CLC: variants seen among roughly 807,000 people sequenced by gnomAD.
The protein encoded by CLC is Charcot-Leyden crystal galectin, also known as galectin-10.
In CLC, 15 loss-of-function variants were observed where a neutral mutation model predicts 13.9. The ratio of observed to expected loss-of-function variants is 1.08; its 90% confidence interval spans 0.72 to 1.66. CLC has a LOEUF of 1.66. Among genes scored for constraint, CLC ranks in the 40% most tolerant of loss-of-function variants. The pLI is 0.00. For synonymous variants in CLC, 68 were observed against 59.9 expected (o/e 1.14, Z -0.63); for missense variants, 161 against 169.1 (o/e 0.95, Z 0.27).
At chr19:39,733,939 G>A (rs1256042421) in intron 3 of CLC, 1 of 984,622 alleles carries the variant, frequency 1.0e-6, no homozygotes, top group Non-Finnish European at 1.2e-6. Context: ...GGAAGATAGA[G>A]GATATTCTCC....
At chr19:39,734,877 C>A in intron 2 of CLC, 120 bp downstream of exon 2, 1 of 771,186 alleles carries the variant, frequency 1.3e-6, no homozygotes, top group Non-Finnish European at 2.2e-6. Context: ...AGGACCTGCA[C>A]ATTCATGGCA....
At chr19:39,734,167 T>A (rs1967270670) in intron 3 of CLC, 116 bp downstream of exon 3, 22 of 1,394,290 alleles carry the variant, frequency 1.6e-5, no homozygotes, top group Non-Finnish European at 2.0e-5. Context: ...TAAGGGGAGT[T>A]GTGGGTGATG....
At chr19:39,731,926 G>C (rs1164570875) in intron 3 of CLC, among the ~76,000 whole-genome samples, 1 of 152,140 alleles carries the variant, frequency 6.6e-6, no homozygotes, top group Non-Finnish European at 1.5e-5. Flanking sequence ...TGCTGCTGAT[G>C]ACCCAGTTTC....
chr19:39,737,083 C>T (rs1001076151), intron 1 of CLC, among the ~76,000 whole-genome samples: 2 of 151,894 alleles, frequency 1.3e-5, no homozygotes, highest in African/African-American at 4.8e-5. Flanking sequence ...TAAATCAAGT[C>T]CCTCAATGTC....
intron 3 of CLC, chr19:39,733,879 T>A: frequency 1.1e-6 from 1 of 945,022 alleles, no homozygotes; most frequent in Non-Finnish European, 1.3e-6. Context: ...TTTATTCATG[T>A]GTATATCTTA....
chr19:39,737,796 C>G (rs368009), intron 1 of CLC, 142 bp downstream of exon 1: 94,165 of 829,236 alleles, frequency 0.11, 6,350 homozygotes, highest in African/African-American at 0.17. Context: ...GATACCATAG[C>G]CCTAGGGTCT....
At chr19:39,733,316 T>G (rs388648) in intron 3 of CLC, among the ~76,000 whole-genome samples, 21 of 151,782 alleles carry the variant, frequency 1.4e-4, no homozygotes, top group Admixed American at 1.2e-3. Context: ...CCATTTGAAA[T>G]GTCAGAAACT....
intron 1 of CLC, 103 bp from the exon 2 acceptor site, chr19:39,735,176 C>T (rs1196887996): frequency 1.0e-5 from 8 of 783,386 alleles, no homozygotes; most frequent in Admixed American, 2.0e-5. Context: ...AAGCAGTAGA[C>T]TCAGGCCTCC....
intron 3 of CLC, 27 bp downstream of exon 3, chr19:39,734,256 G>T: frequency 6.2e-7 from 1 of 1,605,988 alleles, no homozygotes; most frequent in Non-Finnish European, 8.5e-7. Context: ...ATGGAAGCCG[G>T]GTGCGGGGAG....
At chr19:39,736,637 T>A (rs1427765445) in intron 1 of CLC, among the ~76,000 whole-genome samples, 4 of 151,296 alleles carry the variant, frequency 2.6e-5, no homozygotes, top group African/African-American at 9.7e-5. Flanking sequence ...TAGCCAGGAG[T>A]GGTGGCACAA....
rs1274682051 is a variant in CLC, at chr19:39,732,718, G to A, written c.304-1213C>T. 2.4e-3 allele frequency among the ~76,000 whole-genome samples: 352 copies of A among 149,426 alleles called. 1 individual carries two copies. The highest frequency in any genetic ancestry group is 7.8e-3 in the African/African-American group (316 of 40,470). ...CCACCAACAGTGTAAAAGTGTTCCT[G>A]TTTCTCCACATCCTCTCCAGCACCT... On this transcript the variant is annotated intron_variant, in intron 3 of 3. Coordinates refer to ENST00000221804, the MANE Select transcript of CLC (RefSeq NM_001828.6).
intron 1 of CLC, among the ~76,000 whole-genome samples, chr19:39,736,358 A>G (rs545046887): frequency 6.6e-6 from 1 of 152,328 alleles, no homozygotes; most frequent in South Asian, 2.1e-4. Flanking sequence ...CAACCGCAGT[A>G]CTTGCACAAA....
chr19:39,731,804 G>A (rs1427269140), intron 3 of CLC, among the ~76,000 whole-genome samples: 1 of 152,168 alleles, frequency 6.6e-6, no homozygotes, highest in East Asian at 1.9e-4. Context: ...GCCAGGGACT[G>A]TGTTTCATAA....
chr19:39,735,778 G>C (rs577517991), intron 1 of CLC, among the ~76,000 whole-genome samples: 1 of 152,140 alleles, frequency 6.6e-6, no homozygotes, highest in Non-Finnish European at 1.5e-5. Context: ...GGGCCTGTTG[G>C]GGGTCCTCTA....
intron 1 of CLC, 77 bp from the exon 2 acceptor site, chr19:39,735,150 C>T (rs76370710): frequency 0.19 from 194,436 of 1,001,214 alleles, 21,051 homozygotes; most frequent in South Asian, 0.33. Flanking sequence ...TCCCATGGTG[C>T]AGCCAGTTAG....
intron 3 of CLC, among the ~76,000 whole-genome samples, chr19:39,733,735 A>AAG (rs1967262669): frequency 6.6e-6 from 1 of 151,070 alleles, no homozygotes; most frequent in South Asian, 2.1e-4. Context: ...AAACAAATAA[A>AAG]AGTGTATATA....
rs1205656136 is a variant in CLC, at chr19:39,734,344, A to C, written c.242T>G (p.Met81Arg). 1.9e-6 allele frequency: 3 copies of C among 1,614,098 alleles called. No homozygotes were observed. The highest frequency in any genetic ancestry group is 1.3e-5 in the African/African-American group (1 of 75,050). ...AWKQQVESKN[M>R]PFQDGQEFEL... is the part of the protein sequence containing the mutation. ...AAATTCTTGGCCATCCTGAAAGGGC[A>C]TATTCTTGGATTCCACCTGCTGCTT... The change falls in exon 3 of 4, where the codon ATG becomes AGG. Residue 81 changes from methionine (M) to arginine (R), a missense_variant. Transcript: ENST00000221804.
Position 39,737,993 on chromosome 19 carries a change from AC to A in CLC, c.-42del. 1 of 1,602,754 alleles carries A rather than the reference AC, an allele frequency of 6.2e-7. No homozygotes were observed. Among genetic ancestry groups the A allele is most frequent in the African/African-American group, 1.3e-5 (1 of 74,502 alleles). ...GGTGGCTCTTCTGAATTGTGTCCAG[AC>A]TTCTGTGTGAATCTCTGAGCTGCAG... On this transcript the variant is annotated 5_prime_UTR_variant, in exon 1 of 4. Transcript: ENST00000221804.
intron 2 of CLC, 39 bp downstream of exon 2, chr19:39,734,958 T>G (rs377141974): frequency 2.1e-6 from 3 of 1,463,354 alleles, no homozygotes; most frequent in Non-Finnish European, 2.9e-6. Context: ...ATATTCTTCC[T>G]CTTCTCCACC....
Sources: allele counts gnomAD v4.1 joint callset (sites outside exome capture counted in the v4.1 genomes callset), GRCh38; gene constraint gnomAD v4.1.1; transcripts MANE v1.5; gene names NCBI Gene and HGNC (gene_info 2026-07-23, HGNC 2026-07-21).